The following CERS5 variants were observed in gnomAD, a reference collection of about 807,000 sequenced individuals.
CERS5 encodes the protein ceramide synthase 5.
In CERS5, 37 loss-of-function variants were observed where a neutral mutation model predicts 58.9. That is an observed-to-expected ratio of 0.63 (90% CI 0.48 to 0.83). The LOEUF (loss-of-function observed/expected upper bound fraction) is 0.83, where lower values mean the gene tolerates loss of function less well. Ranked by LOEUF, CERS5 falls within the 40% of genes least tolerant of loss-of-function variation. The pLI is 0.00. For synonymous variants in CERS5, 147 were observed against 177.8 expected, an observed-to-expected ratio of 0.83 and a Z score of 1.38; for missense variants, 398 against 489.3, an observed-to-expected ratio of 0.81 and a Z score of 1.76.
intron 1 of CERS5, chr12:50,166,093 C>A (rs1411679536): frequency 6.1e-6 from 2 of 330,372 alleles, no homozygotes; most frequent in Non-Finnish European, 1.2e-5. Context: ...GAGGCAGAGG[C>A]GGGCGGATCA....
chr12:50,164,476 A>G (rs1939654830), intron 1 of CERS5, among the ~76,000 whole-genome samples: 1 of 152,142 alleles, frequency 6.6e-6, no homozygotes, highest in Non-Finnish European at 1.5e-5. Flanking sequence ...ATGGAAGACC[A>G]GAACGGTAAA....
At chr12:50,149,358 G>C (rs1937685355) in intron 1 of CERS5, among the ~76,000 whole-genome samples, 1 of 152,146 alleles carries the variant, frequency 6.6e-6, no homozygotes, top group Non-Finnish European at 1.5e-5. Flanking sequence ...GACAGTATTA[G>C]ATTTGTCCTG....
intron 4 of CERS5, among the ~76,000 whole-genome samples, chr12:50,140,914 A>G (rs552233947): frequency 1.3e-5 from 2 of 149,716 alleles, no homozygotes; most frequent in South Asian, 4.2e-4. Context: ...ATACAACTGT[A>G]TATTTGTCTA....
intron 1 of CERS5, among the ~76,000 whole-genome samples, chr12:50,158,935 C>A (rs1938958137): frequency 6.6e-6 from 1 of 152,052 alleles, no homozygotes. Context: ...ACCTACTTGA[C>A]AAACTTTCTT....
At position 50,130,490 on chromosome 12, in the gene CERS5, ATGT is replaced by A; in HGVS notation, c.*52_*54del. ...AGATATGGGAAGGGCCAAGAGGAGT[ATGT>A]TGCCAGTGGCCCTACAAGTCCATGT... On this transcript the variant is annotated 3_prime_UTR_variant, in exon 10 of 10. Transcript: ENST00000317551. 1 of 1,471,380 alleles carries A rather than the reference ATGT, an allele frequency of 6.8e-7. No individual in the cohort carries two copies. Among genetic ancestry groups the A allele is most frequent in the Non-Finnish European group, 9.2e-7 (1 of 1,086,590 alleles). The allele number at this position is 1,471,380 out of a possible 1,614,324, so 91.1% of individuals were successfully genotyped here.
At chr12:50,158,060 CAAAAAAA>C (rs11388385) in intron 1 of CERS5, among the ~76,000 whole-genome samples, 1,294 of 81,378 alleles carry the variant, frequency 0.016, 24 homozygotes, top group African/African-American at 0.057. Context: ...AGACCATGAC[CAAAAAAA>C]AAAAAAAAAA....
chr12:50,133,440 T>TG lies in CERS5; in HGVS notation c.1029+1105dup, dbSNP rs371351297. On this transcript the variant is annotated intron_variant, in intron 9 of 9. Coordinates refer to ENST00000317551, the MANE Select transcript of CERS5 (RefSeq NM_147190.5). ...TTAGGACACTTGCCTCATACACTAG[T>TG]GGGGTGAGGTGGGTATTTAGTTCCT... is the stretch of plus-strand genomic sequence containing the variant. 8.6e-4 allele frequency: 867 copies of TG among 1,003,424 alleles called. 7 individuals carry two copies. The African/African-American group carries it at 0.011, about 12-fold the overall frequency. The allele number at this position is 1,003,424 out of a possible 1,614,324, so 62.2% of individuals were successfully genotyped here.
chr12:50,151,883 G>A (rs1938002656), intron 1 of CERS5, among the ~76,000 whole-genome samples: 1 of 152,184 alleles, frequency 6.6e-6, no homozygotes, highest in Admixed American at 6.6e-5. Context: ...GGCCTCTAGT[G>A]GATTCACCCA....
intron 9 of CERS5, among the ~76,000 whole-genome samples, chr12:50,132,384 A>G (rs563126282): frequency 6.6e-6 from 1 of 152,042 alleles, no homozygotes; most frequent in African/African-American, 2.4e-5. Flanking sequence ...CCTGGGCAAC[A>G]AGAGCTAAAC....
At chr12:50,164,510 G>T (rs1939656668) in intron 1 of CERS5, among the ~76,000 whole-genome samples, 1 of 152,136 alleles carries the variant, frequency 6.6e-6, no homozygotes, top group South Asian at 2.1e-4. Context: ...AGTCAGCAGT[G>T]AATTATATTA....
intron 1 of CERS5, among the ~76,000 whole-genome samples, chr12:50,146,698 T>C (rs1489755378): frequency 1.3e-5 from 2 of 151,826 alleles, no homozygotes; most frequent in African/African-American, 4.8e-5. Flanking sequence ...ATACAAAAAA[T>C]TAGCCGGGCG....
rs964916766 is a variant in CERS5 at position 50,167,091 on chromosome 12, G to C, written c.197+10C>G. 1 of 1,524,428 alleles carries C rather than the reference G, an allele frequency of 6.6e-7. No individual in the cohort carries two copies. Among genetic ancestry groups the C allele is most frequent in the Non-Finnish European group, 8.8e-7 (1 of 1,141,054 alleles). 94.4% of individuals were successfully genotyped at this position (1,524,428 alleles called of 1,614,324 possible). On this transcript the variant is annotated intron_variant, in intron 1 of 9. Transcript: ENST00000317551. ...CCCGGCCCCCGAGCCGCTCGCTCCCGGGCTCTCACCGCTCGAAGAGCAGCC... is the reference window on the plus strand; with the variant it reads ...CCCGGCCCCCGAGCCGCTCGCTCCCCGGCTCTCACCGCTCGAAGAGCAGCC...
chr12:50,132,933 C>T (rs768147185), intron 9 of CERS5: 1 of 1,288,594 alleles, frequency 7.8e-7, no homozygotes, highest in Non-Finnish European at 1.0e-6. Flanking sequence ...ACATGCCTCA[C>T]TGAATACTAG....
chr12:50,163,829 T>A (rs1370200784), intron 1 of CERS5, among the ~76,000 whole-genome samples: 1 of 151,804 alleles, frequency 6.6e-6, no homozygotes, highest in Non-Finnish European at 1.5e-5. Flanking sequence ...ATTTTTAAAT[T>A]TTTTTGTAGA....
chr12:50,135,894 G>A (rs1250666938), intron 7 of CERS5, 47 bp downstream of exon 7: 3 of 1,583,368 alleles, frequency 1.9e-6, no homozygotes, highest in Non-Finnish European at 2.6e-6. Context: ...CACATAGGAA[G>A]AAAAGAAGAG....
Position 50,167,127 on chromosome 12 carries a change from G to T in CERS5, c.171C>A (p.Ile57=). The T allele has an allele frequency of 6.4e-7, 1 of 1,565,146 alleles. No individual in the cohort carries two copies. The highest frequency in any genetic ancestry group is 1.9e-5 in the Admixed American group (1 of 53,044). The change falls in exon 1 of 10, where the codon ATC becomes ATA. Residue 57 remains isoleucine (I), a synonymous_variant. Coordinates refer to ENST00000317551, the MANE Select transcript of CERS5 (RefSeq NM_147190.5). ...ILSVFPLAAG[I]FFVRLLFERF... ...GCTCGAAGAGCAGCCTCACGAAGAA[G>T]ATGCCCGCCGCCAGCGGGAACACCG...
At chr12:50,144,121 A>C (rs1952133063) in intron 1 of CERS5, 64 bp from the exon 2 acceptor site, 1 of 896,456 alleles carries the variant, frequency 1.1e-6, no homozygotes, top group South Asian at 1.3e-5. Context: ...GTTGACACAT[A>C]ATAATTGTAC....
chr12:50,153,186 T>C (rs1938161784), intron 1 of CERS5, among the ~76,000 whole-genome samples: 1 of 151,844 alleles, frequency 6.6e-6, no homozygotes, highest in South Asian at 2.1e-4. Context: ...TTTAGAAAAC[T>C]TTTACCTGCC....
rs1479597924 is a variant in CERS5, at chr12:50,130,606, G to A, written c.1118C>T (p.Ser373Phe). The change falls in exon 10 of 10, where the codon TCC becomes TTC. Residue 373 changes from serine (S) to phenylalanine (F), a missense_variant. Physicochemically the swap from Ser to Phe is radical, Grantham distance 155. Around this residue, in one of 3 missense-constraint regions of CERS5, gnomAD observed 47 missense variants for 50.2 expected, o/e 0.94. Coordinates refer to ENST00000317551, the MANE Select transcript of CERS5 (RefSeq NM_147190.5). ...ATTCACCCGATTGGCACCATTGCTG[G>A]AGCTACTGTCACAGGGACTTTTTGT... is the stretch of plus-strand genomic sequence containing the variant. The part of the protein sequence containing the change: ...TCTKSPCDSS[S>F]SNGANRVNGH... The A allele has an allele frequency of 3.1e-6, 5 of 1,612,852 alleles. No homozygotes were observed. In the African/African-American group the frequency reaches 5.3e-5, roughly 17 times the overall value.
Sources: allele counts gnomAD v4.1 joint callset (sites outside exome capture counted in the v4.1 genomes callset), GRCh38; gene constraint gnomAD v4.1.1; regional missense constraint gnomAD v4.1.1; transcripts MANE v1.5; gene names NCBI Gene and HGNC (gene_info 2026-07-23, HGNC 2026-07-21).